ENAH: variants seen among roughly 807,000 people sequenced by gnomAD.
ENAH encodes ENAH actin regulator, also known as protein enabled homolog.
In ENAH, 23 loss-of-function variants were observed where a neutral mutation model predicts 78.7. The observed-to-expected ratio is 0.29, with a 90% CI of 0.21 to 0.41. The LOEUF (loss-of-function observed/expected upper bound fraction) is 0.41, where lower values mean the gene tolerates loss of function less well. ENAH is among the 10% of genes least tolerant of loss of function. ENAH has a pLI of 1.00. For missense variants in ENAH, 544 were observed against 691.0 expected (o/e 0.79, Z 2.39); for synonymous variants, 226 against 241.0 (o/e 0.94, Z 0.58).
Position 225,490,669 on chromosome 1 carries a change from C to T in ENAH, c.*7106G>A, listed in dbSNP as rs1283205516. The T allele has an allele frequency of 6.6e-6, 1 of 152,178 alleles. No individual in the cohort carries two copies. The highest frequency in any genetic ancestry group is 2.4e-5 in the African/African-American group (1 of 41,452). 9.4% of individuals were successfully genotyped at this position (152,178 alleles called of 1,614,324 possible). The stretch of plus-strand genomic sequence containing the variant: ...AAAGTCCTGACTCAGGCCTGAACCT[C>T]CCATCCCTCTAGTAATAAAGAAGAA... On this transcript the variant is annotated 3_prime_UTR_variant, in exon 14 of 14. Transcript: ENST00000366843.
rs753789431 is a variant in ENAH at position 225,517,178 on chromosome 1, CAAT to C, written c.913+15_913+17del. 2.0e-6 allele frequency: 3 copies of C among 1,486,552 alleles called. No individual in the cohort carries two copies. The highest frequency in any genetic ancestry group is 2.7e-5 in the South Asian group (2 of 73,566). The allele number at this position is 1,486,552 out of a possible 1,614,324, so 92.1% of individuals were successfully genotyped here. ...TTTTCAAGTGATTAGCTGTTAGTAG[CAAT>C]AATGAAAGCCTTACCCTGTTGGGAT... is the stretch of plus-strand genomic sequence containing the variant. On this transcript the variant is annotated intron_variant, in intron 6 of 13. Transcript: ENST00000366843.
At chr1:225,535,308 T>C (rs763417790) in intron 3 of ENAH, among the ~76,000 whole-genome samples, 5 of 152,176 alleles carry the variant, frequency 3.3e-5, no homozygotes, top group Non-Finnish European at 7.4e-5. Context: ...CTAATTCTAA[T>C]GCTCGCTAAC....
rs760775317 is a variant in ENAH, at chr1:225,512,606, G to A, written c.1422+51C>T. 7 of 1,535,368 alleles carry A rather than the reference G, an allele frequency of 4.6e-6. No individual in the cohort carries two copies. The African/African-American group carries it at 8.3e-5, about 18-fold the overall frequency. ...GCTGACACTATTTCCTGAATGAGCT[G>A]TGCCTGAATTCCATATTTTAAGGTA... On this transcript the variant is annotated intron_variant, in intron 9 of 13. Coordinates refer to ENST00000366843, the MANE Select transcript of ENAH (RefSeq NM_018212.6).
At chr1:225,555,256 AGCTT>A (rs2096660435) in intron 2 of ENAH, among the ~76,000 whole-genome samples, 173 bp from the exon 3 acceptor site, 1 of 152,192 alleles carries the variant, frequency 6.6e-6, no homozygotes, top group African/African-American at 2.4e-5. Flanking sequence ...ATAGAAGTTA[AGCTT>A]TTCGCTGATT....
intron 1 of ENAH, among the ~76,000 whole-genome samples, chr1:225,608,399 AAC>A (rs1246650495): frequency 6.6e-6 from 1 of 151,660 alleles, no homozygotes. Context: ...GGCACAGCAC[AAC>A]AGACTTTTTT....
intron 1 of ENAH, among the ~76,000 whole-genome samples, chr1:225,641,536 G>T (rs990328759): frequency 2.2e-5 from 3 of 137,846 alleles, no homozygotes; most frequent in African/African-American, 5.4e-5. Context: ...CTTCACTAAA[G>T]ATAAAATTTT....
chr1:225,574,920 AT>A lies in ENAH; in HGVS notation c.6-7507del, dbSNP rs1338798193. On this transcript the variant is annotated intron_variant, in intron 1 of 13. Transcript: ENST00000366843. The stretch of plus-strand genomic sequence containing the variant: ...CGTCTCAAAAAAAAAAAAAAAAAAA[AT>A]ATATATATATAAAAAAAAAAAAAGA... Among the ~76,000 whole-genome samples the A allele has an allele frequency of 1.2e-3, 4 of 3,246 alleles. 1 individual carries two copies. The highest frequency in any genetic ancestry group is 2.6e-3 in the Non-Finnish European group (4 of 1,520). 2.1% of individuals were successfully genotyped at this position (3,246 alleles called of 152,430 possible). A position where few individuals can be genotyped will look rare whatever the true frequency, so the allele number is the denominator to read the frequency against.
At chr1:225,559,165 TTTC>T (rs2096685889) in intron 2 of ENAH, among the ~76,000 whole-genome samples, 1 of 152,192 alleles carries the variant, frequency 6.6e-6, no homozygotes, top group Non-Finnish European at 1.5e-5. Context: ...TCAACCAATT[TTTC>T]TTATTTCATC....
intron 3 of ENAH, among the ~76,000 whole-genome samples, chr1:225,540,079 G>A (rs147863790): frequency 1.3e-5 from 2 of 152,136 alleles, no homozygotes; most frequent in East Asian, 1.9e-4. Flanking sequence ...AAAGACTCTC[G>A]GGAGAAAAGT....
chr1:225,591,726 C>G (rs531723458), intron 1 of ENAH, among the ~76,000 whole-genome samples: 1 of 128,228 alleles, frequency 7.8e-6, no homozygotes, highest in African/African-American at 3.1e-5. Context: ...GATCGCGTCA[C>G]TGCACTCCAG....
intron 2 of ENAH, among the ~76,000 whole-genome samples, chr1:225,555,856 T>C (rs1476734514): frequency 6.6e-6 from 1 of 152,190 alleles, no homozygotes; most frequent in Non-Finnish European, 1.5e-5. Context: ...AACTAACATA[T>C]CATTCTGAGG....
intron 5 of ENAH, 106 bp downstream of exon 5, chr1:225,519,092 C>T: frequency 6.7e-7 from 1 of 1,486,308 alleles, no homozygotes; most frequent in Non-Finnish European, 9.0e-7. Context: ...AATTGTATGG[C>T]TTAATCCCAA....
At chr1:225,622,399 G>A (rs1206316227) in intron 1 of ENAH, among the ~76,000 whole-genome samples, 8 of 152,074 alleles carry the variant, frequency 5.3e-5, no homozygotes. Flanking sequence ...ACCAGACTGG[G>A]CAATATGGCA....
chr1:225,598,145 C>T (rs1291210310), intron 1 of ENAH, among the ~76,000 whole-genome samples: 2 of 152,130 alleles, frequency 1.3e-5, no homozygotes, highest in Non-Finnish European at 2.9e-5. Flanking sequence ...ACTAATGACT[C>T]ATGCATGTGG....
At chr1:225,526,038 G>A (rs2096501545) in intron 4 of ENAH, among the ~76,000 whole-genome samples, 1 of 152,136 alleles carries the variant, frequency 6.6e-6, no homozygotes. Context: ...TACAAAGGAA[G>A]AGTCTAGCAA....
chr1:225,500,889 G>A (rs77819119), intron 12 of ENAH, 103 bp downstream of exon 12: 57,512 of 1,055,390 alleles, frequency 0.054, 1,958 homozygotes, highest in South Asian at 0.1. Context: ...TAGCTCTATC[G>A]TCTTTCTAAG....
chr1:225,502,926 CTAGT>C (rs2096292311), intron 11 of ENAH, among the ~76,000 whole-genome samples: 1 of 152,134 alleles, frequency 6.6e-6, no homozygotes, highest in South Asian at 2.1e-4. Flanking sequence ...GCCCATTTAG[CTAGT>C]TATTTTCTCA....
chr1:225,594,255 C>T (rs956199256), intron 1 of ENAH, among the ~76,000 whole-genome samples: 5 of 152,136 alleles, frequency 3.3e-5, no homozygotes, highest in Non-Finnish European at 5.9e-5. Flanking sequence ...TCAAACACTG[C>T]GCAAAGTCTC....
At chr1:225,642,928 A>G (rs1036155627) in intron 1 of ENAH, among the ~76,000 whole-genome samples, 3 of 152,228 alleles carry the variant, frequency 2.0e-5, no homozygotes, top group Admixed American at 6.5e-5. Flanking sequence ...AAAGATTAAA[A>G]GACCGATAAT....
Sources: gnomAD v4.1 joint callset for allele counts (sites outside exome capture counted in the v4.1 genomes callset) on GRCh38, gnomAD v4.1.1 for gene constraint, MANE v1.5 for transcripts, NCBI Gene and HGNC (gene_info 2026-07-23, HGNC 2026-07-21) for gene names.